Variants in DCC observed in about 807,000 individuals in gnomAD.
The protein encoded by DCC is netrin receptor DCC.
DCC carries 58 observed loss-of-function variants against 172.5 expected under a neutral mutation model. The ratio of observed to expected loss-of-function variants is 0.34; its 90% CI spans 0.27 to 0.42. DCC has a LOEUF of 0.42. Ranked by LOEUF, DCC falls within the 10% of genes least tolerant of loss-of-function variation. The pLI, the probability that DCC is intolerant of heterozygous loss-of-function variation, is 1.00. For synonymous variants in DCC, 709 were observed against 644.5 expected, an observed-to-expected ratio of 1.10 and a Z score of -1.52; for missense variants, 1,740 against 1,791.0, an observed-to-expected ratio of 0.97 and a Z score of 0.51.
At chr18:52,896,892 T>C (rs1027163207) in intron 2 of DCC, among the ~76,000 whole-genome samples, 8 of 152,084 alleles carry the variant, frequency 5.3e-5, no homozygotes, top group African/African-American at 1.9e-4. Context: ...GTTGATTCTG[T>C]GCAGTGCCTT....
intron 1 of DCC, among the ~76,000 whole-genome samples, chr18:52,541,871 G>GTC (rs2032459652): frequency 5.7e-5 from 2 of 35,330 alleles, no homozygotes; most frequent in Non-Finnish European, 1.2e-4. Context: ...TGATGTGTGT[G>GTC]TGTGTATATA....
chr18:53,225,419 G>A (rs12965725), intron 12 of DCC, among the ~76,000 whole-genome samples: 2,108 of 152,294 alleles, frequency 0.014, 48 homozygotes, highest in African/African-American at 0.044. Flanking sequence ...GCAGAAGAGA[G>A]AATAGAAAAT....
chr18:53,433,185 G>A (rs1392248800), intron 21 of DCC, among the ~76,000 whole-genome samples: 3 of 151,890 alleles, frequency 2.0e-5, no homozygotes, highest in Non-Finnish European at 2.9e-5. Context: ...CTCACCCAGC[G>A]CTTTGACCTA....
intron 24 of DCC, among the ~76,000 whole-genome samples, chr18:53,460,204 A>G (rs1307113695): frequency 8.4e-6 from 1 of 119,744 alleles, no homozygotes; most frequent in Non-Finnish European, 1.8e-5. Context: ...TATGGGAATC[A>G]TCAACCAAAT....
chr18:52,498,972 C>T (rs572950147), intron 1 of DCC, among the ~76,000 whole-genome samples: 54 of 152,294 alleles, frequency 3.5e-4, no homozygotes, highest in Non-Finnish European at 7.1e-4. Context: ...AGGCACAGCG[C>T]AGTCCATAGC....
chr18:52,430,733 T>A (rs561695700), intron 1 of DCC, among the ~76,000 whole-genome samples: 2 of 152,174 alleles, frequency 1.3e-5, no homozygotes, highest in Non-Finnish European at 2.9e-5. Context: ...GAATTTCCTA[T>A]TGAAGTGAAA....
chr18:52,803,253 C>G (rs1006392024), intron 2 of DCC, among the ~76,000 whole-genome samples: 5 of 152,098 alleles, frequency 3.3e-5, no homozygotes, highest in African/African-American at 1.2e-4. Flanking sequence ...CAAGAGATCA[C>G]TTTTTCCATG....
chr18:52,689,377 G>A (rs754993634), intron 1 of DCC, among the ~76,000 whole-genome samples: 1 of 152,124 alleles, frequency 6.6e-6, no homozygotes, highest in African/African-American at 2.4e-5. Context: ...GCAGCTTTGG[G>A]TAATTGGAGA....
intron 1 of DCC, among the ~76,000 whole-genome samples, chr18:52,603,591 T>TAC (rs10553153): frequency 0.21 from 30,819 of 144,474 alleles, 3,742 homozygotes; most frequent in African/African-American, 0.36. Context: ...GTGAAGTTAA[T>TAC]ACACACACAC....
intron 25 of DCC, among the ~76,000 whole-genome samples, chr18:53,476,079 T>C (rs1288903275): frequency 6.6e-6 from 1 of 152,204 alleles, no homozygotes; most frequent in Non-Finnish European, 1.5e-5. Flanking sequence ...TTTTGGTTAA[T>C]TTATCCCATT....
intron 19 of DCC, among the ~76,000 whole-genome samples, chr18:53,407,528 G>GATATAAAT (rs1555666922): frequency 1.4e-4 from 16 of 117,446 alleles, no homozygotes; most frequent in Admixed American, 4.5e-4. Flanking sequence ...TTTTATTCTG[G>GATATAAAT]ATATATATAT....
At chr18:52,427,823 CCTTCCTTCCTTT>C (rs763761971) in intron 1 of DCC, among the ~76,000 whole-genome samples, 8,769 of 65,960 alleles carry the variant, frequency 0.13, 530 homozygotes, top group Non-Finnish European at 0.15. Flanking sequence ...TTTCTTCCTT[CCTTCCTTCCTTT>C]CTTCCTTCCT....
At chr18:53,192,226 CA>C (rs1342240540) in intron 9 of DCC, among the ~76,000 whole-genome samples, 1 of 152,136 alleles carries the variant, frequency 6.6e-6, no homozygotes, top group Non-Finnish European at 1.5e-5. Flanking sequence ...TGATAAATGT[CA>C]GCGAAATCGC....
chr18:52,346,920 A>G (rs1206066889), intron 1 of DCC, among the ~76,000 whole-genome samples: 5 of 152,314 alleles, frequency 3.3e-5, no homozygotes, highest in Non-Finnish European at 7.4e-5. Context: ...TCATTTCACC[A>G]TGGCCCTCCA....
intron 7 of DCC, among the ~76,000 whole-genome samples, chr18:53,156,838 A>G (rs1175212376): frequency 6.6e-6 from 1 of 152,204 alleles, no homozygotes; most frequent in East Asian, 1.9e-4. Flanking sequence ...TCATTTATCC[A>G]TATTTTTACT....
chr18:53,467,992 GC>G lies in DCC; in HGVS notation c.3721del (p.Gln1241SerfsTer8). 2 of 1,591,910 alleles carry G rather than the reference GC, an allele frequency of 1.3e-6. No individual in the cohort carries two copies. The highest frequency in any genetic ancestry group is 1.7e-6 in the Non-Finnish European group (2 of 1,160,096). ...GGCCAAGCTCATGATTCCCATGGAT[GC>G]CCAGTCCAACAATCCTGGTGAGTCA... is the stretch of plus-strand genomic sequence containing the variant. ...PRAKLMIPMD[A>X]QSNNPAVVSA... On this transcript the variant is annotated frameshift_variant, in exon 25 of 29. Transcript: ENST00000442544. LOFTEE classifies it high-confidence loss of function.
chr18:52,832,375 T>C (rs1020203346), intron 2 of DCC, among the ~76,000 whole-genome samples: 1 of 152,106 alleles, frequency 6.6e-6, no homozygotes, highest in Non-Finnish European at 1.5e-5. Flanking sequence ...GCTCTGACTT[T>C]TGGGGATCAA....
intron 7 of DCC, among the ~76,000 whole-genome samples, chr18:53,097,440 A>G (rs186886494): frequency 1.3e-5 from 2 of 152,202 alleles, no homozygotes; most frequent in African/African-American, 4.8e-5. Context: ...TAACTTCTAT[A>G]TGCTGGACCT....
intron 15 of DCC, among the ~76,000 whole-genome samples, chr18:53,342,160 T>C (rs1475306964): frequency 6.6e-6 from 1 of 152,096 alleles, no homozygotes; most frequent in Admixed American, 6.6e-5. Flanking sequence ...GCAAGACTTC[T>C]AAACAGCATT....
Sources: allele counts gnomAD v4.1 joint callset (sites outside exome capture counted in the v4.1 genomes callset), GRCh38; gene constraint gnomAD v4.1.1; transcripts MANE v1.5; gene names NCBI Gene and HGNC (gene_info 2026-07-23, HGNC 2026-07-21).